Variants in POU2AF2 observed in about 807,000 individuals in gnomAD.
POU2AF2 encodes the protein POU class 2 homeobox associating factor 2, also known as POU domain class 2-associating factor 2.
chr11:111,264,573 A>G, the POU2AF2 span, among the ~76,000 whole-genome samples: 1 of 31,796 alleles, frequency 3.1e-5, no homozygotes, highest in African/African-American at 1.1e-4. Context: ...AGAAAGAAAG[A>G]AAGGGAGAGA....
chr11:111,285,630 C>T, the POU2AF2 span: 80 of 1,598,312 alleles, frequency 5.0e-5, no homozygotes, highest in Middle Eastern at 5.0e-4. Flanking sequence ...GAATAACCTC[C>T]GTGGCCTTTC....
chr11:111,253,147 G>A, the POU2AF2 span, among the ~76,000 whole-genome samples: 1 of 151,894 alleles, frequency 6.6e-6, no homozygotes, highest in African/African-American at 2.4e-5. Context: ...TCTTCATAGG[G>A]TTCTCCTCTC....
At chr11:111,276,453 A>AAAAATATATAT in the POU2AF2 span, among the ~76,000 whole-genome samples, 82 of 37,552 alleles carry the variant, frequency 2.2e-3, no homozygotes, top group East Asian at 3.7e-3. Context: ...AAAAAAAAAA[A>AAAAATATATAT]ATATATATAT....
the POU2AF2 span, among the ~76,000 whole-genome samples, chr11:111,251,578 T>TTCCTGTCTCTTTG: frequency 1.3e-5 from 2 of 152,218 alleles, no homozygotes; most frequent in Non-Finnish European, 2.9e-5. Flanking sequence ...TCTTTTCTGC[T>TTCCTGTCTCTTTG]TCCTGTCTCT....
chr11:111,273,053 T>C, the POU2AF2 span, among the ~76,000 whole-genome samples: 1 of 152,210 alleles, frequency 6.6e-6, no homozygotes, highest in African/African-American at 2.4e-5. Context: ...AATATATAAC[T>C]CAGATAAGTG....
the POU2AF2 span, chr11:111,283,927 C>A: frequency 1.3e-6 from 1 of 770,014 alleles, no homozygotes; most frequent in Non-Finnish European, 2.2e-6. Flanking sequence ...ATATTTCACG[C>A]TTTTCAAGAC....
the POU2AF2 span, among the ~76,000 whole-genome samples, chr11:111,258,376 A>C: frequency 1.3e-5 from 2 of 152,192 alleles, no homozygotes; most frequent in African/African-American, 4.8e-5. Flanking sequence ...GGGAATAAAC[A>C]TGGTGTCTGC....
At chr11:111,261,766 A>G in the POU2AF2 span, among the ~76,000 whole-genome samples, 3 of 152,346 alleles carry the variant, frequency 2.0e-5, no homozygotes, top group South Asian at 6.2e-4. Flanking sequence ...TCAAAATGCT[A>G]TAGCCAGGAA....
At chr11:111,281,251 T>G in the POU2AF2 span, 1 of 550,272 alleles carries the variant, frequency 1.8e-6, no homozygotes, top group Admixed American at 3.6e-5. Context: ...ACTTGAATTC[T>G]TATTCTCAGT....
At chr11:111,247,695 G>C in the POU2AF2 span, among the ~76,000 whole-genome samples, 5,929 of 151,712 alleles carry the variant, frequency 0.039, 310 homozygotes, top group East Asian at 0.26. Flanking sequence ...GCTGAGGCAG[G>C]AGAATCACTT....
chr11:111,268,472 T>TTA, the POU2AF2 span, among the ~76,000 whole-genome samples: 1 of 86,694 alleles, frequency 1.2e-5, no homozygotes. Flanking sequence ...TGCTACATTT[T>TTA]TCTTTTTTTA....
the POU2AF2 span, among the ~76,000 whole-genome samples, chr11:111,261,413 G>A: frequency 1.3e-5 from 2 of 152,184 alleles, no homozygotes; most frequent in Admixed American, 1.3e-4. Context: ...TTTATTATAT[G>A]TAGAAAAAAG....
At chr11:111,266,149 T>A in the POU2AF2 span, among the ~76,000 whole-genome samples, 1 of 152,160 alleles carries the variant, frequency 6.6e-6, no homozygotes, top group Non-Finnish European at 1.5e-5. Context: ...AGTCTGAATA[T>A]TTTGATCAGG....
chr11:111,245,839 C>T, the POU2AF2 span: 1 of 398,850 alleles, frequency 2.5e-6, no homozygotes, highest in East Asian at 3.6e-5. Context: ...AGGAAATCCA[C>T]CAGAAACATC....
the POU2AF2 span, among the ~76,000 whole-genome samples, chr11:111,278,205 G>A: frequency 6.6e-6 from 1 of 152,216 alleles, no homozygotes; most frequent in East Asian, 1.9e-4. Flanking sequence ...AGTGCTCGAT[G>A]TAATAATCTC....
the POU2AF2 span, among the ~76,000 whole-genome samples, chr11:111,262,404 G>A: frequency 3.3e-5 from 5 of 152,296 alleles, no homozygotes; most frequent in East Asian, 1.9e-4. Context: ...CTAGTTGGAC[G>A]TTTGTTTAGT....
At chr11:111,259,307 TC>T in the POU2AF2 span, among the ~76,000 whole-genome samples, 1 of 148,238 alleles carries the variant, frequency 6.7e-6, no homozygotes, top group Non-Finnish European at 1.5e-5. Context: ...AATTCCACAT[TC>T]CTTTTTTTTT....
the POU2AF2 span, among the ~76,000 whole-genome samples, chr11:111,270,660 A>G: frequency 6.6e-6 from 1 of 152,178 alleles, no homozygotes; most frequent in African/African-American, 2.4e-5. Context: ...ATATGTCAGT[A>G]TGAGGAAGAC....
At chr11:111,253,967 TG>T in the POU2AF2 span, among the ~76,000 whole-genome samples, 540 of 152,288 alleles carry the variant, frequency 3.5e-3, 1 homozygote, top group African/African-American at 0.012. Context: ...AAGGAAGTGA[TG>T]CGTTCTGGGT....
Sources: allele counts gnomAD v4.1 joint callset (sites outside exome capture counted in the v4.1 genomes callset), GRCh38; gene constraint gnomAD v4.1.1; transcripts MANE v1.5; gene names NCBI Gene and HGNC (gene_info 2026-07-23, HGNC 2026-07-21).